Variants in MEGF10 observed in about 807,000 individuals in gnomAD.
MEGF10 encodes multiple EGF like domains 10, also known as multiple epidermal growth factor-like domains protein 10.
Under a neutral mutation model 147.5 loss-of-function variants are expected in MEGF10, and 86 were observed. The ratio of observed to expected loss-of-function variants is 0.58; its 90% CI spans 0.49 to 0.70. The LOEUF (loss-of-function observed/expected upper bound fraction) is 0.70. Ranked by LOEUF, MEGF10 falls within the 30% of genes least tolerant of loss-of-function variation. The probability of loss-of-function intolerance (pLI) is 0.00; values close to 1 mark genes in which losing one functional copy is unlikely to be tolerated. For missense variants in MEGF10, 1,329 were observed against 1,487.3 expected (o/e 0.89, Z 1.75); for synonymous variants, 478 against 525.5 (o/e 0.91, Z 1.24).
At chr5:127,412,681 AAAACAAAC>A (rs202213903) in intron 9 of MEGF10, among the ~76,000 whole-genome samples, 6 of 152,176 alleles carry the variant, frequency 3.9e-5, no homozygotes, top group Non-Finnish European at 7.3e-5. Flanking sequence ...GCAGCATTAA[AAAACAAAC>A]AAACAAACAA....
At chr5:127,359,066 T>C (rs1762379622) in intron 4 of MEGF10, among the ~76,000 whole-genome samples, 1 of 152,054 alleles carries the variant, frequency 6.6e-6, no homozygotes, top group Admixed American at 6.5e-5. Context: ...TTGTTTTTTT[T>C]TTTTTCTGTA....
At chr5:127,273,142 A>T in the MEGF10 span, among the ~76,000 whole-genome samples, 1 of 152,056 alleles carries the variant, frequency 6.6e-6, no homozygotes, top group Non-Finnish European at 1.5e-5. Flanking sequence ...CTCTGCCAAG[A>T]CTCCACACAG....
At chr5:127,231,935 G>A in the MEGF10 span, among the ~76,000 whole-genome samples, 3 of 152,212 alleles carry the variant, frequency 2.0e-5, no homozygotes, top group African/African-American at 7.2e-5. Context: ...TGTGGCCTGT[G>A]ACAAGATCTC....
chr5:127,287,457 G>A (rs1759063094), upstream of MEGF10, among the ~76,000 whole-genome samples: 1 of 151,730 alleles, frequency 6.6e-6, no homozygotes, highest in Admixed American at 6.6e-5. Context: ...TGAACAATTG[G>A]AAACAAGAAC....
chr5:127,357,587 C>CAAAATAAATAAA (rs1242098073), intron 4 of MEGF10, among the ~76,000 whole-genome samples: 1 of 84,324 alleles, frequency 1.2e-5, no homozygotes, highest in Non-Finnish European at 2.2e-5. Flanking sequence ...GACCCTGCCT[C>CAAAATAAATAAA]AAAATAAATA....
intron 11 of MEGF10, among the ~76,000 whole-genome samples, chr5:127,419,584 C>T (rs926793666): frequency 6.6e-6 from 1 of 152,196 alleles, no homozygotes; most frequent in African/African-American, 2.4e-5. Context: ...AGCACTAGAA[C>T]GTGTCCATCC....
At chr5:127,317,567 G>A (rs1028437591) in intron 1 of MEGF10, among the ~76,000 whole-genome samples, 3 of 152,156 alleles carry the variant, frequency 2.0e-5, no homozygotes, top group Non-Finnish European at 4.4e-5. Context: ...ATACTATGCA[G>A]CCATAAAAAA....
chr5:127,388,773 C>T (rs1407081299), intron 5 of MEGF10, among the ~76,000 whole-genome samples: 3 of 151,342 alleles, frequency 2.0e-5, no homozygotes, highest in Non-Finnish European at 2.9e-5. Context: ...TCTCGATCTC[C>T]TGACCTCGTG....
At chr5:127,453,666 T>C (rs945086267) in intron 22 of MEGF10, among the ~76,000 whole-genome samples, 2 of 152,190 alleles carry the variant, frequency 1.3e-5, no homozygotes, top group African/African-American at 4.8e-5. Context: ...TCTCCTAATC[T>C]ATAGTTTTCT....
chr5:127,405,167 T>G (rs939498509), intron 8 of MEGF10, among the ~76,000 whole-genome samples: 1 of 152,204 alleles, frequency 6.6e-6, no homozygotes, highest in African/African-American at 2.4e-5. Context: ...GATTATCAGT[T>G]TGAGTGCTGT....
chr5:127,411,754 C>T (rs1446999201), intron 9 of MEGF10, among the ~76,000 whole-genome samples: 1 of 152,146 alleles, frequency 6.6e-6, no homozygotes, highest in African/African-American at 2.4e-5. Flanking sequence ...ATAATCTCCA[C>T]AGGGTTTTAT....
At chr5:127,334,483 A>G (rs1051953571) in intron 2 of MEGF10, among the ~76,000 whole-genome samples, 3 of 152,188 alleles carry the variant, frequency 2.0e-5, no homozygotes, top group South Asian at 4.1e-4. Flanking sequence ...AATGGCTTCT[A>G]GCTGCATCCC....
At chr5:127,331,883 T>C (rs1226870168) in intron 2 of MEGF10, among the ~76,000 whole-genome samples, 1 of 152,084 alleles carries the variant, frequency 6.6e-6, no homozygotes. Context: ...TGGTGTAAAC[T>C]GGCAAGGCTG....
At chr5:127,348,478 A>G (rs1761974326) in intron 4 of MEGF10, among the ~76,000 whole-genome samples, 2 of 152,266 alleles carry the variant, frequency 1.3e-5, no homozygotes, top group South Asian at 4.1e-4. Flanking sequence ...TTTTCATACA[A>G]TAAGCCAGGT....
chr5:127,328,940 A>G (rs1408446493), intron 1 of MEGF10, among the ~76,000 whole-genome samples: 1 of 152,238 alleles, frequency 6.6e-6, no homozygotes, highest in East Asian at 1.9e-4. Context: ...CACTAGCTGT[A>G]TATTACACGG....
chr5:127,307,553 T>C (rs2126727846), intron 1 of MEGF10, among the ~76,000 whole-genome samples: 1 of 152,314 alleles, frequency 6.6e-6, no homozygotes, highest in East Asian at 1.9e-4. Flanking sequence ...TGGGTGCTCT[T>C]CCTCTATGTT....
chr5:127,361,457 C>T (rs1762468690), intron 4 of MEGF10, among the ~76,000 whole-genome samples: 1 of 151,846 alleles, frequency 6.6e-6, no homozygotes, highest in African/African-American at 2.4e-5. Context: ...TTTTGCTGAT[C>T]TTCTCAAAGA....
chr5:127,249,415 C>T, the MEGF10 span, among the ~76,000 whole-genome samples: 54 of 150,750 alleles, frequency 3.6e-4, no homozygotes, highest in Non-Finnish European at 5.0e-4. Context: ...GAGATAGAGG[C>T]AATAAAATAG....
intron 1 of MEGF10, among the ~76,000 whole-genome samples, chr5:127,311,747 T>C (rs1275619745): frequency 6.6e-6 from 1 of 152,214 alleles, no homozygotes; most frequent in Non-Finnish European, 1.5e-5. Flanking sequence ...CTCACTCGCC[T>C]ATGTATAGGC....
Sources: gnomAD v4.1 joint callset for allele counts (sites outside exome capture counted in the v4.1 genomes callset) on GRCh38, gnomAD v4.1.1 for gene constraint, MANE v1.5 for transcripts, NCBI Gene and HGNC (gene_info 2026-07-23, HGNC 2026-07-21) for gene names.